Variants in GALNT13 observed in about 807,000 individuals in gnomAD.
The protein encoded by GALNT13 is UDP-GalNAc:polypeptide N-acetylgalactosaminyltransferase 13.
GALNT13 carries 28 observed loss-of-function variants against 64.2 expected under a neutral mutation model. The ratio of observed to expected loss-of-function variants is 0.44; its 90% CI spans 0.32 to 0.60. The LOEUF (loss-of-function observed/expected upper bound fraction) is 0.60, where lower values mean the gene tolerates loss of function less well. Among genes scored for constraint, GALNT13 ranks in the 20% least tolerant of loss-of-function variants. The pLI is 0.05. For missense variants in GALNT13, 577 were observed against 669.8 expected (o/e 0.86, Z 1.53); for synonymous variants, 214 against 224.6 (o/e 0.95, Z 0.42).
the GALNT13 span, among the ~76,000 whole-genome samples, chr2:153,382,301 T>C: frequency 2.6e-5 from 4 of 152,198 alleles, no homozygotes; most frequent in South Asian, 2.1e-4. Flanking sequence ...TAGCACCCAA[T>C]AGGTTTTCAA....
At chr2:153,574,814 T>G in the GALNT13 span, among the ~76,000 whole-genome samples, 1 of 152,104 alleles carries the variant, frequency 6.6e-6, no homozygotes, top group Non-Finnish European at 1.5e-5. Flanking sequence ...ACACAGCTAT[T>G]TTGAAGCCTC....
At chr2:153,211,619 A>G in the GALNT13 span, among the ~76,000 whole-genome samples, 2 of 152,174 alleles carry the variant, frequency 1.3e-5, no homozygotes, top group African/African-American at 4.8e-5. Context: ...CTCTTGCCTG[A>G]TGGATCCTAG....
At chr2:153,875,577 T>C (rs1312455006) in intron 1 of GALNT13, among the ~76,000 whole-genome samples, 1 of 152,162 alleles carries the variant, frequency 6.6e-6, no homozygotes. Flanking sequence ...CATTTTCATG[T>C]AATAGAGCTT....
chr2:154,194,345 G>A (rs1219844062), intron 4 of GALNT13, among the ~76,000 whole-genome samples: 1 of 152,126 alleles, frequency 6.6e-6, no homozygotes, highest in Non-Finnish European at 1.5e-5. Context: ...TCAAATGAGA[G>A]GTTGAGACCA....
At chr2:153,629,340 G>A in the GALNT13 span, among the ~76,000 whole-genome samples, 5 of 151,524 alleles carry the variant, frequency 3.3e-5, no homozygotes, top group African/African-American at 4.9e-5. Context: ...CAGAAATAAC[G>A]CCACATATCT....
chr2:153,615,765 C>A, the GALNT13 span, among the ~76,000 whole-genome samples: 2 of 151,912 alleles, frequency 1.3e-5, no homozygotes, highest in Non-Finnish European at 2.9e-5. Context: ...AATCTTTTGT[C>A]CATTTTAAAA....
At chr2:153,945,647 A>G (rs1231363665) in intron 3 of GALNT13, among the ~76,000 whole-genome samples, 2 of 152,166 alleles carry the variant, frequency 1.3e-5, no homozygotes, top group African/African-American at 4.8e-5. Flanking sequence ...CAAAATATTT[A>G]ATAAACAGAA....
At chr2:153,271,874 A>C in the GALNT13 span, among the ~76,000 whole-genome samples, 5 of 152,236 alleles carry the variant, frequency 3.3e-5, no homozygotes, top group Non-Finnish European at 7.3e-5. Flanking sequence ...CTATACTACA[A>C]GGCTACAGTA....
chr2:153,813,163 C>CA, the GALNT13 span, among the ~76,000 whole-genome samples: 1 of 152,002 alleles, frequency 6.6e-6, no homozygotes, highest in Non-Finnish European at 1.5e-5. Context: ...TTCAGTGATT[C>CA]AGAGTCTAAG....
chr2:153,496,993 C>CAAAAAAAA, the GALNT13 span, among the ~76,000 whole-genome samples: 22 of 90,738 alleles, frequency 2.4e-4, no homozygotes, highest in Non-Finnish European at 3.2e-4. Context: ...GATTTTGTCT[C>CAAAAAAAA]AAAAAAAAAA....
At chr2:153,511,282 C>CA in the GALNT13 span, among the ~76,000 whole-genome samples, 7,456 of 139,760 alleles carry the variant, frequency 0.053, 577 homozygotes, top group African/African-American at 0.18. Context: ...GGGTCCACTG[C>CA]AAAAAAAAAA....
chr2:153,222,336 G>GGGGGGGGGGGGGGT, the GALNT13 span, among the ~76,000 whole-genome samples: 1 of 38,300 alleles, frequency 2.6e-5, no homozygotes, highest in African/African-American at 8.8e-5. Flanking sequence ...GTGGGGTGGG[G>GGGGGGGGGGGGGGT]GGGGGGGTTG....
the GALNT13 span, among the ~76,000 whole-genome samples, chr2:153,334,405 C>A: frequency 6.6e-6 from 1 of 152,296 alleles, no homozygotes; most frequent in South Asian, 2.1e-4. Context: ...ACTTATTCCA[C>A]TTGAACCAGT....
At chr2:153,250,025 A>C in the GALNT13 span, among the ~76,000 whole-genome samples, 2 of 152,242 alleles carry the variant, frequency 1.3e-5, no homozygotes, top group Non-Finnish European at 2.9e-5. Flanking sequence ...ACAGAAGCTA[A>C]AATTGACAAA....
the GALNT13 span, among the ~76,000 whole-genome samples, chr2:153,387,640 A>G: frequency 6.6e-6 from 1 of 152,106 alleles, no homozygotes; most frequent in South Asian, 2.1e-4. Context: ...TTTAAGATGC[A>G]GACAAATGTT....
chr2:153,173,846 G>C, the GALNT13 span, among the ~76,000 whole-genome samples: 1 of 152,084 alleles, frequency 6.6e-6, no homozygotes, highest in Admixed American at 6.6e-5. Flanking sequence ...TATTTATCCT[G>C]AGGAAAAACT....
At chr2:153,481,156 T>C in the GALNT13 span, among the ~76,000 whole-genome samples, 2 of 152,198 alleles carry the variant, frequency 1.3e-5, no homozygotes, top group Admixed American at 1.3e-4. Context: ...TTCAAGACAA[T>C]CTTGGGATTG....
intron 9 of GALNT13, among the ~76,000 whole-genome samples, chr2:154,355,140 C>T (rs866820345): frequency 3.3e-5 from 5 of 152,180 alleles, no homozygotes; most frequent in South Asian, 2.1e-4. Flanking sequence ...TTTGTCCCCA[C>T]GCCCAGCCAC....
chr2:153,243,272 GGGATCCA>G, the GALNT13 span, among the ~76,000 whole-genome samples: 11 of 152,214 alleles, frequency 7.2e-5, no homozygotes, highest in Non-Finnish European at 1.3e-4. Context: ...CTCCTTCTGG[GGGATCCA>G]GGATCCAGGA....
Sources: allele counts gnomAD v4.1 joint callset (sites outside exome capture counted in the v4.1 genomes callset), GRCh38; gene constraint gnomAD v4.1.1; transcripts MANE v1.5; gene names NCBI Gene and HGNC (gene_info 2026-07-23, HGNC 2026-07-21).